Variants in FAM135A observed in about 807,000 individuals in gnomAD.
FAM135A encodes the protein protein FAM135A.
In FAM135A, 79 loss-of-function variants were observed where a neutral mutation model predicts 146.8. The observed-to-expected ratio is 0.54, with a 90% CI of 0.45 to 0.65. The LOEUF (loss-of-function observed/expected upper bound fraction) is 0.65. Ranked by LOEUF, FAM135A falls within the 30% of genes least tolerant of loss-of-function variation. The pLI, the probability that FAM135A is intolerant of heterozygous loss-of-function variation, is 0.00. For missense variants in FAM135A, 1,623 were observed against 1,758.2 expected, an observed-to-expected ratio of 0.92 and a Z score of 1.38; for synonymous variants, 562 against 603.6, an observed-to-expected ratio of 0.93 and a Z score of 1.01.
At position 70,470,763 on chromosome 6, in the gene FAM135A, C is replaced by T. The variant is rs947302551; in HGVS notation, c.158-4647C>T. On this transcript the variant is annotated intron_variant, in intron 5 of 21. Transcript: ENST00000418814. ...CATTGGAGGCCATTTTAGAGGCTGG[C>T]TATCACACAGTGAGCTGAAGAGAGA... 6.6e-5 allele frequency among the ~76,000 whole-genome samples: 10 copies of T among 152,286 alleles called. No individual in the cohort carries two copies. The South Asian group carries it at 1.0e-3, about 16-fold the overall frequency.
chr6:70,468,421 A>C (rs918042504), intron 5 of FAM135A, among the ~76,000 whole-genome samples: 1 of 152,216 alleles, frequency 6.6e-6, no homozygotes, highest in African/African-American at 2.4e-5. Flanking sequence ...TCCTAAGCTT[A>C]GGGTTCCTCA....
chr6:70,463,298 G>A (rs1241642018), intron 5 of FAM135A, among the ~76,000 whole-genome samples: 7 of 151,780 alleles, frequency 4.6e-5, no homozygotes, highest in Admixed American at 3.9e-4. Flanking sequence ...CACCTAGGCT[G>A]GAGTGCAGTG....
intron 12 of FAM135A, among the ~76,000 whole-genome samples, chr6:70,509,130 A>G (rs573776027): frequency 1.3e-5 from 2 of 152,132 alleles, no homozygotes; most frequent in Non-Finnish European, 1.5e-5. Flanking sequence ...ATTTAAATTC[A>G]TCACATTAAC....
chr6:70,520,431 T>C (rs532717616), intron 12 of FAM135A, among the ~76,000 whole-genome samples: 23 of 152,294 alleles, frequency 1.5e-4, no homozygotes, highest in African/African-American at 5.1e-4. Context: ...TGAATGCACA[T>C]GTATAGAATT....
intron 16 of FAM135A, 58 bp from the exon 17 acceptor site, chr6:70,533,102 G>T: frequency 7.5e-7 from 1 of 1,324,990 alleles, no homozygotes; most frequent in Non-Finnish European, 1.1e-6. Flanking sequence ...ATATGTGATG[G>T]TGTACTTTCT....
chr6:70,525,620 G>A lies in FAM135A; in HGVS notation c.2536G>A (p.Asp846Asn), dbSNP rs1248404665. The change falls in exon 15 of 22, where the codon GAT becomes AAT. Residue 846 changes from aspartate to asparagine, a missense_variant. Around this residue, in one of 7 missense-constraint regions of FAM135A, gnomAD observed 1,061 missense variants for 1,113.8 expected, o/e 0.95. Coordinates refer to ENST00000418814, the MANE Select transcript of FAM135A (RefSeq NM_001162529.3). ...GACATCCATAAACTCTCTACCCTCC[G>A]ATGATGAACTGTCACCTGATGAAAA... ...SLTSINSLPS[D>N]DELSPDENSK... 8.7e-6 allele frequency: 14 copies of A among 1,613,250 alleles called. No individual in the cohort carries two copies. The highest frequency in any genetic ancestry group is 1.7e-5 in the Admixed American group (1 of 59,954).
chr6:70,437,180 T>C (rs900999579), intron 4 of FAM135A, among the ~76,000 whole-genome samples: 6 of 152,298 alleles, frequency 3.9e-5, no homozygotes, highest in South Asian at 2.1e-4. Context: ...ACTTAACTTA[T>C]GGTTGAGTAG....
chr6:70,511,971 C>T lies in FAM135A; in HGVS notation c.1029+9180C>T, dbSNP rs191110902. Among the ~76,000 whole-genome samples, 860 of 151,934 alleles carry T rather than the reference C, an allele frequency of 5.7e-3. 3 individuals are homozygous for T. The highest frequency in any genetic ancestry group is 8.2e-3 in the Non-Finnish European group (558 of 67,788). ...ATTTTAGGGGAGACCATCCTATACG[C>T]GATCCATCATTGTCTTAAACGTCAT... On this transcript the variant is annotated intron_variant, in intron 12 of 21. Coordinates refer to ENST00000418814, the MANE Select transcript of FAM135A (RefSeq NM_001162529.3).
intron 4 of FAM135A, among the ~76,000 whole-genome samples, chr6:70,446,628 G>T (rs1006018458): frequency 6.6e-6 from 1 of 152,188 alleles, no homozygotes; most frequent in Non-Finnish European, 1.5e-5. Context: ...TAAATACTGA[G>T]ATCAGAAAGC....
intron 7 of FAM135A, among the ~76,000 whole-genome samples, chr6:70,476,200 A>C (rs1407764362): frequency 6.6e-6 from 1 of 152,116 alleles, no homozygotes; most frequent in African/African-American, 2.4e-5. Context: ...AGGATTGGCT[A>C]CCTCCAACTT....
At chr6:70,459,884 AGC>A in intron 5 of FAM135A, among the ~76,000 whole-genome samples, 2 of 152,152 alleles carry the variant, frequency 1.3e-5, no homozygotes, top group Middle Eastern at 3.2e-3. Flanking sequence ...AAAAAAAATT[AGC>A]CAGGCGTGGT....
chr6:70,469,744 G>A (rs1033188911), intron 5 of FAM135A, among the ~76,000 whole-genome samples: 3 of 152,072 alleles, frequency 2.0e-5, no homozygotes, highest in African/African-American at 2.4e-5. Context: ...AAAAAGAGAC[G>A]AAAAAGGGGT....
chr6:70,477,358 T>A (rs1333621676), intron 8 of FAM135A, 26 bp downstream of exon 8: 1 of 1,607,868 alleles, frequency 6.2e-7, no homozygotes, highest in Admixed American at 1.7e-5. Flanking sequence ...ATTTTTGTAT[T>A]AAGCCATTCT....
intron 5 of FAM135A, among the ~76,000 whole-genome samples, chr6:70,474,144 G>A (rs1782149221): frequency 6.6e-6 from 1 of 152,138 alleles, no homozygotes; most frequent in Non-Finnish European, 1.5e-5. Context: ...GTGCTCCCTG[G>A]CCTGCAGAGG....
At chr6:70,553,956 A>G (rs538223396) in intron 20 of FAM135A, among the ~76,000 whole-genome samples, 35 of 152,304 alleles carry the variant, frequency 2.3e-4, no homozygotes, top group African/African-American at 8.4e-4. Flanking sequence ...GACTAGAATA[A>G]TAATAGGCTT....
Position 70,516,395 on chromosome 6 carries a change from A to C in FAM135A, c.1030-6118A>C, listed in dbSNP as rs986936860. ...AGCATGTTTTTGAAATTTATACTTT[A>C]AAGCTGCCATATGGATTAGCAGGAT... On this transcript the variant is annotated intron_variant, in intron 12 of 21. Transcript: ENST00000418814. 2.0e-5 allele frequency among the ~76,000 whole-genome samples: 3 copies of C among 152,102 alleles called. No individual in the cohort carries two copies. The South Asian group carries it at 6.2e-4, about 32-fold the overall frequency.
At chr6:70,479,738 A>T (rs1014757768) in intron 8 of FAM135A, among the ~76,000 whole-genome samples, 2 of 152,028 alleles carry the variant, frequency 1.3e-5, no homozygotes, top group African/African-American at 4.8e-5. Flanking sequence ...AATTTATAAC[A>T]TTATCTTTTA....
intron 2 of FAM135A, among the ~76,000 whole-genome samples, chr6:70,415,772 GC>G: frequency 6.6e-6 from 1 of 152,176 alleles, no homozygotes; most frequent in East Asian, 1.9e-4. Context: ...TGGACAGCAG[GC>G]AGAAGACTAG....
intron 12 of FAM135A, among the ~76,000 whole-genome samples, chr6:70,511,266 A>T (rs994252574): frequency 1.3e-5 from 2 of 151,968 alleles, no homozygotes; most frequent in Non-Finnish European, 2.9e-5. Flanking sequence ...TTTGGTGCAC[A>T]GGACATCAGG....
Sources: allele counts gnomAD v4.1 joint callset (sites outside exome capture counted in the v4.1 genomes callset), GRCh38; gene constraint gnomAD v4.1.1; regional missense constraint gnomAD v4.1.1; transcripts MANE v1.5; gene names NCBI Gene and HGNC (gene_info 2026-07-23, HGNC 2026-07-21).